Variants in MAML2 observed in about 807,000 individuals in gnomAD.
MAML2 encodes the protein mastermind like transcriptional coactivator 2.
MAML2 carries 22 observed loss-of-function variants against 96.1 expected under a neutral mutation model. That is an observed-to-expected ratio of 0.23 (90% CI 0.16 to 0.33). The LOEUF is 0.33. MAML2 is among the 10% of genes least tolerant of loss of function. The pLI is 1.00. For missense variants in MAML2, 1,367 were observed against 1,392.4 expected (o/e 0.98, Z 0.29); for synonymous variants, 561 against 521.3 (o/e 1.08, Z -1.04).
At position 96,251,342 on chromosome 11, in the gene MAML2, C is replaced by T. The variant is rs929682369; in HGVS notation, c.513+90041G>A. ...TGAATCACACATGATTGGTGATCTA[C>T]GGTACCATTTTTTTTCTCTAAGGTA... On this transcript the variant is annotated intron_variant, in intron 1 of 4. Coordinates refer to ENST00000524717, the MANE Select transcript of MAML2 (RefSeq NM_032427.4). 3.3e-5 allele frequency among the ~76,000 whole-genome samples: 5 copies of T among 152,262 alleles called. No individual in the cohort carries two copies. In the South Asian group the frequency reaches 8.3e-4, roughly 25 times the overall value.
At chr11:95,992,390 A>G in intron 2 of MAML2, among the ~76,000 whole-genome samples, 2 of 152,204 alleles carry the variant, frequency 1.3e-5, no homozygotes, top group Non-Finnish European at 2.9e-5. Context: ...ACTCAACTGT[A>G]TATCAAATAA....
chr11:96,137,935 C>T (rs980694519), intron 1 of MAML2, among the ~76,000 whole-genome samples: 1 of 152,188 alleles, frequency 6.6e-6, no homozygotes, highest in Non-Finnish European at 1.5e-5. Flanking sequence ...ATCCTTTTCC[C>T]CACAATATTC....
chr11:96,205,351 G>T lies in MAML2; in HGVS notation c.514-111834C>A, dbSNP rs1861880949. ...TTAACATGATGCCTGGTATATTGCAGATGCTCTATACTTGTTTAATCATCC... is the reference window on the plus strand; with the variant it reads ...TTAACATGATGCCTGGTATATTGCATATGCTCTATACTTGTTTAATCATCC... On this transcript the variant is annotated intron_variant, in intron 1 of 4. Coordinates refer to ENST00000524717, the MANE Select transcript of MAML2 (RefSeq NM_032427.4). Among the ~76,000 whole-genome samples, 3 of 152,332 alleles carry T rather than the reference G, an allele frequency of 2.0e-5. No individual in the cohort carries two copies. In the South Asian group the frequency reaches 6.2e-4, roughly 32 times the overall value.
At chr11:96,120,063 T>C (rs1860310369) in intron 1 of MAML2, among the ~76,000 whole-genome samples, 1 of 149,908 alleles carries the variant, frequency 6.7e-6, no homozygotes, top group South Asian at 2.1e-4. Context: ...GTTCACGCCA[T>C]TCTCCTGCCT....
intron 1 of MAML2, among the ~76,000 whole-genome samples, chr11:96,230,050 C>T (rs1294420835): frequency 5.3e-5 from 8 of 152,032 alleles, no homozygotes; most frequent in African/African-American, 1.4e-4. Flanking sequence ...AAAATTGAAA[C>T]AGCTTTAAGA....
intron 2 of MAML2, among the ~76,000 whole-genome samples, chr11:96,055,954 A>G (rs1859059880): frequency 6.6e-6 from 1 of 152,232 alleles, no homozygotes; most frequent in African/African-American, 2.4e-5. Context: ...AAGTAATAGC[A>G]TTATAACCTT....
At chr11:95,985,750 A>G in intron 3 of MAML2, 108 bp from the exon 4 acceptor site, 1 of 665,324 alleles carries the variant, frequency 1.5e-6, no homozygotes, top group Non-Finnish European at 2.6e-6. Flanking sequence ...CAATTTTGCA[A>G]TCATGGGTTA....
At chr11:96,215,513 G>C (rs1330618727) in intron 1 of MAML2, among the ~76,000 whole-genome samples, 1 of 152,190 alleles carries the variant, frequency 6.6e-6, no homozygotes, top group Non-Finnish European at 1.5e-5. Flanking sequence ...TTTCTCTGAC[G>C]AATACACATT....
intron 2 of MAML2, among the ~76,000 whole-genome samples, chr11:96,053,188 G>C (rs572807120): frequency 1.2e-4 from 18 of 152,254 alleles, no homozygotes; most frequent in Non-Finnish European, 2.6e-4. Flanking sequence ...TTTAGAAAAA[G>C]GAATATTGAT....
At chr11:96,184,573 C>G (rs1483449131) in intron 1 of MAML2, among the ~76,000 whole-genome samples, 1 of 151,132 alleles carries the variant, frequency 6.6e-6, no homozygotes, top group Admixed American at 6.6e-5. Flanking sequence ...GCAAGCAACT[C>G]TGAATATAGT....
At chr11:96,315,527 A>G (rs1863618271) in intron 1 of MAML2, among the ~76,000 whole-genome samples, 1 of 152,174 alleles carries the variant, frequency 6.6e-6, no homozygotes, top group Admixed American at 6.5e-5. Context: ...TAGTCCTAGG[A>G]TCTTGTTAAC....
At chr11:96,247,879 C>G (rs1413362203) in intron 1 of MAML2, among the ~76,000 whole-genome samples, 1 of 152,142 alleles carries the variant, frequency 6.6e-6, no homozygotes, top group African/African-American at 2.4e-5. Context: ...TCCACCAACA[C>G]ATCTGACCAC....
chr11:96,239,919 T>C (rs560242908), intron 1 of MAML2, among the ~76,000 whole-genome samples: 21 of 152,194 alleles, frequency 1.4e-4, no homozygotes, highest in Non-Finnish European at 2.9e-4. Flanking sequence ...ACTATTCCCA[T>C]TGGCAAATTA....
At chr11:96,172,760 A>T (rs997727557) in intron 1 of MAML2, among the ~76,000 whole-genome samples, 3 of 152,154 alleles carry the variant, frequency 2.0e-5, no homozygotes, top group Non-Finnish European at 4.4e-5. Context: ...AGCTGGTTTT[A>T]ATAATAATTT....
At chr11:96,068,438 T>TCACACACACACACACACCCA (rs1859278877) in intron 2 of MAML2, among the ~76,000 whole-genome samples, 1 of 120,292 alleles carries the variant, frequency 8.3e-6, no homozygotes, top group Non-Finnish European at 1.7e-5. Flanking sequence ...GGAGCTTACT[T>TCACACACACACACACACCCA]CACACACACA....
chr11:96,177,479 C>T (rs1861405007), intron 1 of MAML2, among the ~76,000 whole-genome samples: 1 of 152,144 alleles, frequency 6.6e-6, no homozygotes. Flanking sequence ...TACTTGCAGA[C>T]AACCGTCCAA....
chr11:96,208,089 A>C (rs1861920099), intron 1 of MAML2, among the ~76,000 whole-genome samples: 1 of 152,218 alleles, frequency 6.6e-6, no homozygotes, highest in Non-Finnish European at 1.5e-5. Context: ...GATTTTAAAA[A>C]AGATTTATTT....
intron 1 of MAML2, among the ~76,000 whole-genome samples, chr11:96,280,793 T>A (rs1468072460): frequency 1.3e-5 from 2 of 152,246 alleles, no homozygotes; most frequent in African/African-American, 2.4e-5. Flanking sequence ...GTGTTGTTAT[T>A]TGGTTAAATT....
At chr11:96,280,176 T>C (rs988248110) in intron 1 of MAML2, among the ~76,000 whole-genome samples, 8 of 152,184 alleles carry the variant, frequency 5.3e-5, no homozygotes, top group Non-Finnish European at 1.2e-4. Context: ...CAAACTAATT[T>C]TGGAAAGCAG....
Sources: allele counts gnomAD v4.1 joint callset (sites outside exome capture counted in the v4.1 genomes callset), GRCh38; gene constraint gnomAD v4.1.1; transcripts MANE v1.5; gene names NCBI Gene and HGNC (gene_info 2026-07-23, HGNC 2026-07-21).